Variants in GRID2 observed in about 807,000 individuals in gnomAD.
GRID2 encodes glutamate receptor ionotropic, delta-2.
In GRID2, 33 loss-of-function variants were observed where a neutral mutation model predicts 114.8. That is an observed-to-expected ratio of 0.29 (90% CI 0.22 to 0.38). The LOEUF (loss-of-function observed/expected upper bound fraction) is 0.38, where lower values mean the gene tolerates loss of function less well. GRID2 is among the 10% of genes least tolerant of loss of function. The pLI is 1.00. For missense variants in GRID2, 1,184 were observed against 1,257.7 expected (o/e 0.94, Z 0.89); for synonymous variants, 505 against 449.9 (o/e 1.12, Z -1.55).
chr4:92,469,239 A>G (rs1721902366), intron 1 of GRID2, among the ~76,000 whole-genome samples: 1 of 151,940 alleles, frequency 6.6e-6, no homozygotes, highest in African/African-American at 2.4e-5. Flanking sequence ...ATTCTGTTGA[A>G]GATTTGTTTT....
rs140076687 is a variant in GRID2 at position 92,419,117 on chromosome 4, G to C, written c.88+114373G>C. ...TTCTTGCTTGTTAAAATGTAGACAAGTTTGTCATTTTCAGGTAGAGTATGT... is the reference window on the plus strand; with the variant it reads ...TTCTTGCTTGTTAAAATGTAGACAACTTTGTCATTTTCAGGTAGAGTATGT... On this transcript the variant is annotated intron_variant, in intron 1 of 15. Transcript: ENST00000282020. 3.3e-5 allele frequency among the ~76,000 whole-genome samples: 5 copies of C among 152,162 alleles called. No individual in the cohort carries two copies. In the East Asian group the frequency reaches 5.8e-4, roughly 18 times the overall value.
intron 2 of GRID2, among the ~76,000 whole-genome samples, chr4:92,916,332 C>T (rs1748789161): frequency 2.6e-5 from 4 of 151,948 alleles, no homozygotes; most frequent in Admixed American, 2.0e-4. Flanking sequence ...AGAAAACGAT[C>T]ATTGTCTCTG....
At chr4:93,265,328 A>C (rs1363053770) in intron 8 of GRID2, among the ~76,000 whole-genome samples, 2 of 152,168 alleles carry the variant, frequency 1.3e-5, no homozygotes, top group Admixed American at 1.3e-4. Context: ...GATTTAGGAA[A>C]GCTTCTCTCC....
intron 14 of GRID2, among the ~76,000 whole-genome samples, chr4:93,687,844 G>A (rs1173634108): frequency 6.6e-6 from 1 of 151,890 alleles, no homozygotes; most frequent in African/African-American, 2.4e-5. Flanking sequence ...TCAAAGCTAA[G>A]TTTTAAGATT....
intron 12 of GRID2, among the ~76,000 whole-genome samples, chr4:93,507,524 T>C (rs1217821833): frequency 6.6e-6 from 1 of 152,254 alleles, no homozygotes; most frequent in African/African-American, 2.4e-5. Context: ...CGACTTGTTC[T>C]GCTGCTTATC....
intron 2 of GRID2, among the ~76,000 whole-genome samples, chr4:92,698,176 G>A (rs1375747355): frequency 1.3e-5 from 2 of 152,176 alleles, no homozygotes; most frequent in South Asian, 2.1e-4. Context: ...CCTTGGCTTG[G>A]CATATGTGAC....
chr4:92,500,686 A>G (rs1057392093), intron 1 of GRID2, among the ~76,000 whole-genome samples: 1 of 152,126 alleles, frequency 6.6e-6, no homozygotes, highest in Non-Finnish European at 1.5e-5. Flanking sequence ...AAAGAATACC[A>G]GGTGGTATGA....
In GRID2 at chr4:93,590,650, T is replaced by G. The variant is rs929481222; in HGVS notation, c.2194-35619T>G. Among the ~76,000 whole-genome samples the G allele has an allele frequency of 2.0e-5, 3 of 152,324 alleles. No homozygotes were observed. The East Asian group carries it at 5.8e-4, about 29-fold the overall frequency. On this transcript the variant is annotated intron_variant, in intron 13 of 15. Coordinates refer to ENST00000282020, the MANE Select transcript of GRID2 (RefSeq NM_001510.4). ...AATCTGTAAATTACCTTGGGCAGTA[T>G]GGCCATTTTCACGATATTGATTCTT...
chr4:92,647,238 T>A (rs1375104064), intron 2 of GRID2, among the ~76,000 whole-genome samples: 1 of 152,192 alleles, frequency 6.6e-6, no homozygotes, highest in Non-Finnish European at 1.5e-5. Context: ...TGTTAACATT[T>A]GTAAAGTGTT....
intron 13 of GRID2, among the ~76,000 whole-genome samples, chr4:93,548,287 T>G (rs1048632750): frequency 6.6e-6 from 1 of 152,120 alleles, no homozygotes; most frequent in Non-Finnish European, 1.5e-5. Flanking sequence ...AAACAATGTC[T>G]TATCCAAAGA....
At chr4:93,207,900 CT>C (rs2149470658) in intron 5 of GRID2, among the ~76,000 whole-genome samples, 1 of 152,052 alleles carries the variant, frequency 6.6e-6, no homozygotes, top group East Asian at 1.9e-4. Flanking sequence ...AGATTTTTCC[CT>C]TTTCATAAGG....
chr4:92,596,076 A>G (rs1579649742), intron 2 of GRID2, among the ~76,000 whole-genome samples: 1 of 152,238 alleles, frequency 6.6e-6, no homozygotes, highest in East Asian at 1.9e-4. Flanking sequence ...CAGTATGTGT[A>G]CCCCAACAGC....
chr4:92,659,051 C>T (rs1340483034), intron 2 of GRID2, among the ~76,000 whole-genome samples: 1 of 133,574 alleles, frequency 7.5e-6, no homozygotes, highest in Non-Finnish European at 1.7e-5. Context: ...CTTTCTGTGC[C>T]CCAATAGATT....
intron 14 of GRID2, among the ~76,000 whole-genome samples, chr4:93,695,923 T>C (rs1726978822): frequency 6.6e-6 from 1 of 152,234 alleles, no homozygotes; most frequent in Admixed American, 6.5e-5. Context: ...CTTTATAAAA[T>C]GGATATATGC....
At chr4:93,150,096 T>C (rs916658983) in intron 4 of GRID2, among the ~76,000 whole-genome samples, 20 of 152,164 alleles carry the variant, frequency 1.3e-4, no homozygotes, top group Admixed American at 9.8e-4. Flanking sequence ...AGAAAAATAT[T>C]TTTTTAAGAG....
chr4:92,944,110 G>A (rs1249604385), intron 2 of GRID2, among the ~76,000 whole-genome samples: 1 of 152,188 alleles, frequency 6.6e-6, no homozygotes, highest in African/African-American at 2.4e-5. Context: ...CTTCAAAGCT[G>A]TCAGACAGGT....
intron 2 of GRID2, among the ~76,000 whole-genome samples, chr4:93,010,490 G>A (rs1363135627): frequency 6.6e-6 from 1 of 151,994 alleles, no homozygotes. Flanking sequence ...AAGGGGAGCT[G>A]AGCCTCCATG....
At chr4:92,397,254 AT>A (rs780902539) in intron 1 of GRID2, among the ~76,000 whole-genome samples, 6 of 151,652 alleles carry the variant, frequency 4.0e-5, no homozygotes, top group South Asian at 2.1e-4. Context: ...ATCATGTAGG[AT>A]TTTTTTTAGT....
At chr4:93,617,721 C>T (rs746758986) in intron 13 of GRID2, among the ~76,000 whole-genome samples, 1 of 152,034 alleles carries the variant, frequency 6.6e-6, no homozygotes, top group African/African-American at 2.4e-5. Flanking sequence ...CCAAGAAAAC[C>T]GTTAATCCAC....
Sources: gnomAD v4.1 joint callset for allele counts (sites outside exome capture counted in the v4.1 genomes callset) on GRCh38, gnomAD v4.1.1 for gene constraint, MANE v1.5 for transcripts, NCBI Gene and HGNC (gene_info 2026-07-23, HGNC 2026-07-21) for gene names.